The following RFX3 variants were observed in gnomAD, a reference collection of about 807,000 sequenced individuals.
RFX3 encodes transcription factor RFX3.
RFX3 carries 14 observed loss-of-function variants against 98.6 expected under a neutral mutation model. That is an observed-to-expected ratio of 0.14 (90% confidence interval 0.09 to 0.22). The LOEUF is 0.22. Among genes scored for constraint, RFX3 ranks in the 10% least tolerant of loss-of-function variants. The probability of loss-of-function intolerance (pLI) is 1.00; values close to 1 mark genes in which losing one functional copy is unlikely to be tolerated. For missense variants in RFX3, 639 were observed against 926.9 expected (o/e 0.69, Z 4.03); for synonymous variants, 383 against 328.4 (o/e 1.17, Z -1.80).
intron 1 of RFX3, among the ~76,000 whole-genome samples, chr9:3,468,078 T>A (rs1369619574): frequency 2.0e-5 from 3 of 152,200 alleles, no homozygotes; most frequent in Admixed American, 6.5e-5. Context: ...CCAGAAACGA[T>A]GCCTCAAGTT....
At chr9:3,483,957 T>C (rs1013149788) in intron 1 of RFX3, among the ~76,000 whole-genome samples, 3 of 152,202 alleles carry the variant, frequency 2.0e-5, no homozygotes, top group East Asian at 1.9e-4. Flanking sequence ...GGGCCAGATA[T>C]ATTACACAAC....
At chr9:3,254,978 G>C (rs1821920276) in intron 14 of RFX3, among the ~76,000 whole-genome samples, 1 of 152,158 alleles carries the variant, frequency 6.6e-6, no homozygotes, top group Non-Finnish European at 1.5e-5. Context: ...ATATATGAGA[G>C]GCAGGACTGT....
At chr9:3,281,122 T>C (rs766224432) in intron 7 of RFX3, among the ~76,000 whole-genome samples, 10 of 151,796 alleles carry the variant, frequency 6.6e-5, no homozygotes, top group Middle Eastern at 6.8e-3. Flanking sequence ...ACATGGTTTT[T>C]AAAATGCTGG....
chr9:3,300,971 T>C (rs905375817), intron 5 of RFX3, among the ~76,000 whole-genome samples: 2 of 151,918 alleles, frequency 1.3e-5, no homozygotes, highest in African/African-American at 2.4e-5. Context: ...TAGCAATTTA[T>C]GGCTTGTAGA....
In RFX3 at chr9:3,338,905, T is replaced by A. The variant is rs547942504; in HGVS notation, c.215+7762A>T. Among the ~76,000 whole-genome samples the A allele has an allele frequency of 3.3e-5, 5 of 152,134 alleles. No homozygotes were observed. The South Asian group carries it at 1.0e-3, about 32-fold the overall frequency. On this transcript the variant is annotated intron_variant, in intron 3 of 16. Transcript: ENST00000617270. Reference sequence around the variant, plus strand: ...GAGTTCGAGACCACCGTGGCCAATATGAAGAAACCCTGTCTCTACTAAAAA... The same window carrying A: ...GAGTTCGAGACCACCGTGGCCAATAAGAAGAAACCCTGTCTCTACTAAAAA...
chr9:3,465,143 A>C (rs899602138), intron 1 of RFX3, among the ~76,000 whole-genome samples: 1 of 152,220 alleles, frequency 6.6e-6, no homozygotes, highest in Non-Finnish European at 1.5e-5. Context: ...ACCTTCCCCA[A>C]ACCCTTGCAA....
At chr9:3,238,384 A>G (rs1394050179) in intron 15 of RFX3, among the ~76,000 whole-genome samples, 1 of 152,120 alleles carries the variant, frequency 6.6e-6, no homozygotes, top group Non-Finnish European at 1.5e-5. Flanking sequence ...ATACCATGAG[A>G]AGGGCTGGCC....
At chr9:3,365,809 C>T (rs1026563181) in intron 2 of RFX3, among the ~76,000 whole-genome samples, 5 of 152,034 alleles carry the variant, frequency 3.3e-5, no homozygotes, top group African/African-American at 1.2e-4. Context: ...CAACCCCCTA[C>T]CAATAATTTC....
At chr9:3,476,592 C>T (rs1324430091) in intron 1 of RFX3, among the ~76,000 whole-genome samples, 1 of 152,156 alleles carries the variant, frequency 6.6e-6, no homozygotes, top group African/African-American at 2.4e-5. Context: ...GGTAGTGATG[C>T]ATTCATGTTG....
intron 3 of RFX3, 112 bp from the exon 4 acceptor site, chr9:3,330,629 T>C (rs1832482549): frequency 8.0e-6 from 8 of 1,005,606 alleles, no homozygotes; most frequent in South Asian, 3.4e-5. Context: ...CTTTGCAACA[T>C]GGCAAGTTTC....
chr9:3,424,507 G>C (rs568365022), intron 1 of RFX3, among the ~76,000 whole-genome samples: 2 of 151,052 alleles, frequency 1.3e-5, no homozygotes, highest in Non-Finnish European at 3.0e-5. Flanking sequence ...GACTACAGGC[G>C]CCCGCCACCG....
At chr9:3,312,586 A>C (rs545488499) in intron 4 of RFX3, among the ~76,000 whole-genome samples, 1 of 152,306 alleles carries the variant, frequency 6.6e-6, no homozygotes, top group East Asian at 1.9e-4. Flanking sequence ...AAAAAAAAAA[A>C]AAGCAGGGGG....
At chr9:3,388,283 C>T (rs1159751285) in intron 2 of RFX3, among the ~76,000 whole-genome samples, 1 of 151,876 alleles carries the variant, frequency 6.6e-6, no homozygotes, top group Non-Finnish European at 1.5e-5. Context: ...TTGTAGATAC[C>T]CAAAATAAAG....
At position 3,224,783 on chromosome 9, in the gene RFX3, A is replaced by T; in HGVS notation, c.*259T>A. The T allele has an allele frequency of 3.0e-6, 1 of 329,418 alleles. No homozygotes were observed. The highest frequency in any genetic ancestry group is 9.1e-5 in the South Asian group (1 of 11,022). 20.4% of individuals were successfully genotyped at this position (329,418 alleles called of 1,614,324 possible). On this transcript the variant is annotated 3_prime_UTR_variant, in exon 17 of 17. Transcript: ENST00000617270. The stretch of plus-strand genomic sequence containing the variant: ...TTAATTATAAGAAAACAAAACATTG[A>T]CATTAAGTGTTGTAAAAATCCTTCT...
Position 3,381,804 on chromosome 9 carries a change from G to C in RFX3, c.117+13668C>G, listed in dbSNP as rs146248103. 5.9e-3 allele frequency among the ~76,000 whole-genome samples: 902 copies of C among 152,106 alleles called. 5 individuals are homozygous for C. The highest frequency in any genetic ancestry group is 0.021 in the African/African-American group (853 of 41,516). ...ATAATAAAGGGAGACAGAGAAAAAA[G>C]AATCATGAAAAATCATGCCCTTGGT... On this transcript the variant is annotated intron_variant, in intron 2 of 16. Coordinates refer to ENST00000617270, the MANE Select transcript of RFX3 (RefSeq NM_001282116.2).
At chr9:3,355,897 C>T (rs1835691971) in intron 2 of RFX3, among the ~76,000 whole-genome samples, 1 of 151,820 alleles carries the variant, frequency 6.6e-6, no homozygotes, top group South Asian at 2.1e-4. Flanking sequence ...AAAAGTCCAA[C>T]ATATTTGTAA....
chr9:3,422,422 T>G (rs754297620), intron 1 of RFX3, among the ~76,000 whole-genome samples: 6 of 152,216 alleles, frequency 3.9e-5, no homozygotes, highest in African/African-American at 7.2e-5. Context: ...ACAGAAACAC[T>G]GTGGCTATTC....
intron 1 of RFX3, among the ~76,000 whole-genome samples, chr9:3,454,290 A>G (rs1201983504): frequency 6.6e-6 from 1 of 152,222 alleles, no homozygotes; most frequent in Non-Finnish European, 1.5e-5. Context: ...ATACACAGGC[A>G]ACACTCGAGA....
At chr9:3,252,103 C>A (rs1031763267) in intron 14 of RFX3, among the ~76,000 whole-genome samples, 1 of 150,218 alleles carries the variant, frequency 6.7e-6, no homozygotes, top group Non-Finnish European at 1.5e-5. Context: ...CCACCTCGGC[C>A]TTCTGTTAAA....
Sources: gnomAD v4.1 joint callset for allele counts (sites outside exome capture counted in the v4.1 genomes callset) on GRCh38, gnomAD v4.1.1 for gene constraint, MANE v1.5 for transcripts, NCBI Gene and HGNC (gene_info 2026-07-23, HGNC 2026-07-21) for gene names.